Variants in CES5A observed in about 807,000 individuals in gnomAD.
CES5A encodes the protein carboxylesterase 5A.
CES5A carries 67 observed loss-of-function variants against 62.9 expected under a neutral mutation model. That is an observed-to-expected ratio of 1.07 (90% CI 0.88 to 1.31). The LOEUF (loss-of-function observed/expected upper bound fraction) is 1.31, where lower values mean the gene tolerates loss of function less well. Ranked by LOEUF, CES5A falls within the 50% of genes most tolerant of loss-of-function variation. CES5A has a pLI of 0.00. For missense variants in CES5A, 748 were observed against 708.5 expected (o/e 1.06, Z -0.63); for synonymous variants, 296 against 280.8 (o/e 1.05, Z -0.54).
In CES5A at chr16:55,853,044, A is replaced by G. The variant is rs772352881; in HGVS notation, c.1126-16T>C. The G allele has an allele frequency of 3.8e-5, 62 of 1,613,366 alleles. No individual in the cohort carries two copies. The highest frequency in any genetic ancestry group is 5.1e-5 in the Non-Finnish European group (60 of 1,179,626). On this transcript the variant is annotated splice_polypyrimidine_tract_variant and intron_variant, in intron 9 of 12. Transcript: ENST00000290567. ...GCGGGATGTGCTGTAAAAATATCGT[A>G]GTCCTAGGAGATCCAGGTCAACCAC...
At chr16:55,950,835 G>T (rs1244179851) in intron 1 of CES5A, among the ~76,000 whole-genome samples, 1 of 151,160 alleles carries the variant, frequency 6.6e-6, no homozygotes. Context: ...GGCACGGGTG[G>T]CTCAAGCCTG....
Position 55,852,905 on chromosome 16 carries a change from G to C in CES5A, c.1249C>G (p.Leu417Val). Residue 417 changes from leucine (L) to valine (V), a missense_variant, in exon 10 of 13, where the codon CTG becomes GTG. Coordinates refer to ENST00000290567, the MANE Select transcript of CES5A (RefSeq NM_001143685.2). ...LGDVFFVVPA[L>V]ITARYHRDAG... Reference sequence around the variant, plus strand: ...CCTCTGTGATATCGAGCTGTGATCAGTGCAGGGACCACAAAGAACACATCT... The same window carrying C: ...CCTCTGTGATATCGAGCTGTGATCACTGCAGGGACCACAAAGAACACATCT... 6.2e-7 allele frequency: 1 copy of C among 1,614,054 alleles called. No homozygotes were observed. Among genetic ancestry groups the C allele is most frequent in the East Asian group, 2.2e-5 (1 of 44,884 alleles).
At chr16:55,948,093 G>A (rs28422065) in intron 2 of CES5A, among the ~76,000 whole-genome samples, 50,478 of 151,950 alleles carry the variant, frequency 0.33, 8,742 homozygotes, top group African/African-American at 0.39. Flanking sequence ...TGTAAAAGAA[G>A]AAGTGATGTC....
chr16:55,954,368 A>G (rs2034587091), intron 1 of CES5A, among the ~76,000 whole-genome samples: 1 of 152,200 alleles, frequency 6.6e-6, no homozygotes, highest in African/African-American at 2.4e-5. Flanking sequence ...TTTGAGGAAA[A>G]TGGAAAACAA....
chr16:55,852,445 T>C (rs553919233), intron 10 of CES5A, among the ~76,000 whole-genome samples: 1 of 152,324 alleles, frequency 6.6e-6, no homozygotes, highest in Non-Finnish European at 1.5e-5. Flanking sequence ...GAATGTGGAA[T>C]CTAATGTTAT....
At chr16:55,912,986 G>T (rs927191748) in intron 1 of CES5A, among the ~76,000 whole-genome samples, 1 of 152,192 alleles carries the variant, frequency 6.6e-6, no homozygotes, top group South Asian at 2.1e-4. Context: ...CACCTTGCCG[G>T]CTGCCTAGAC....
At chr16:55,894,099 CA>C (rs1247341853) in intron 1 of CES5A, among the ~76,000 whole-genome samples, 2 of 151,720 alleles carry the variant, frequency 1.3e-5, no homozygotes, top group Non-Finnish European at 2.9e-5. Flanking sequence ...AAGTGTTTTT[CA>C]AAATGTTAGA....
intron 1 of CES5A, 149 bp downstream of exon 1, chr16:55,875,000 G>A (rs550878317): frequency 3.4e-5 from 29 of 848,042 alleles, no homozygotes; most frequent in Middle Eastern, 2.2e-4. Flanking sequence ...CTAGGTTCTC[G>A]GCAACAGCAG....
chr16:55,870,108 C>T (rs1410881777), intron 3 of CES5A, among the ~76,000 whole-genome samples: 1 of 152,186 alleles, frequency 6.6e-6, no homozygotes, highest in African/African-American at 2.4e-5. Flanking sequence ...TAGCACATTT[C>T]AAGTTTCAAG....
intron 1 of CES5A, among the ~76,000 whole-genome samples, chr16:55,922,552 A>G (rs189509019): frequency 6.6e-6 from 1 of 152,112 alleles, no homozygotes; most frequent in East Asian, 1.9e-4. Flanking sequence ...CAAAGCAAAC[A>G]TTAATAGATC....
In CES5A at chr16:55,869,591, C is replaced by T; in HGVS notation, c.551+20G>A. 6.2e-7 allele frequency: 1 copy of T among 1,611,644 alleles called. No individual in the cohort carries two copies. The highest frequency in any genetic ancestry group is 8.5e-7 in the Non-Finnish European group (1 of 1,178,782). Reference sequence around the variant, plus strand: ...CTGCCCTTTGGGGATCTGGGATGTCCATCATTTGGAGAGACTCACGTGAAG... The same window carrying T: ...CTGCCCTTTGGGGATCTGGGATGTCTATCATTTGGAGAGACTCACGTGAAG... On this transcript the variant is annotated intron_variant, in intron 4 of 12. Coordinates refer to ENST00000290567, the MANE Select transcript of CES5A (RefSeq NM_001143685.2).
chr16:55,876,710 G>A (rs1389568357), upstream of CES5A, among the ~76,000 whole-genome samples: 7 of 152,222 alleles, frequency 4.6e-5, no homozygotes, highest in African/African-American at 1.7e-4. Flanking sequence ...CCAACCTGGG[G>A]CAGCCACAGC....
intron 8 of CES5A, among the ~76,000 whole-genome samples, chr16:55,856,927 T>TGTGAAGTGTG (rs1427664380): frequency 6.6e-6 from 1 of 152,244 alleles, no homozygotes; most frequent in African/African-American, 2.4e-5. Flanking sequence ...TTCCAGTCCC[T>TGTGAAGTGTG]AGAACTGTGA....
At chr16:55,944,099 C>T (rs1383411576) in intron 2 of CES5A, 3 of 702,010 alleles carry the variant, frequency 4.3e-6, no homozygotes, top group Non-Finnish European at 7.8e-6. Flanking sequence ...CTTCCATTTC[C>T]TGTCCAAGGA....
chr16:55,940,822 AT>A (rs768312868), intron 2 of CES5A, among the ~76,000 whole-genome samples: 9 of 151,990 alleles, frequency 5.9e-5, no homozygotes, highest in Non-Finnish European at 1.2e-4. Context: ...AGTGGAATTT[AT>A]AGCAGGAATA....
At chr16:55,928,671 C>T (rs562789355), upstream of CES5A, among the ~76,000 whole-genome samples, 1 of 152,190 alleles carries the variant, frequency 6.6e-6, no homozygotes, top group Admixed American at 6.5e-5. Context: ...TTGTCTATAG[C>T]TGATCTGGGT....
intron 3 of CES5A, 54 bp from the exon 4 acceptor site, chr16:55,869,798 C>A: frequency 6.5e-7 from 1 of 1,546,840 alleles, no homozygotes; most frequent in East Asian, 2.4e-5. Context: ...CCTCCCCTCC[C>A]CATGCAGTTT....
chr16:55,940,403 A>G (rs1826389988), intron 2 of CES5A, among the ~76,000 whole-genome samples: 1 of 152,080 alleles, frequency 6.6e-6, no homozygotes, highest in South Asian at 2.1e-4. Context: ...TACTACAAAC[A>G]TAATACATAT....
intron 1 of CES5A, among the ~76,000 whole-genome samples, chr16:55,894,498 CAAA>C (rs370359945): frequency 9.7e-6 from 1 of 102,998 alleles, no homozygotes. Context: ...AACTCTGTCT[CAAA>C]AAAAAAAAAA....
Sources: gnomAD v4.1 joint callset for allele counts (sites outside exome capture counted in the v4.1 genomes callset) on GRCh38, gnomAD v4.1.1 for gene constraint, MANE v1.5 for transcripts, NCBI Gene and HGNC (gene_info 2026-07-23, HGNC 2026-07-21) for gene names.